Variants in DNAH8 observed in about 807,000 individuals in gnomAD.
The protein encoded by DNAH8 is axonemal beta dynein heavy chain 8.
Under a neutral mutation model 562.1 loss-of-function variants are expected in DNAH8, and 382 were observed. That is an observed-to-expected ratio of 0.68 (90% CI 0.63 to 0.74). The LOEUF (loss-of-function observed/expected upper bound fraction) is 0.74, where lower values mean the gene tolerates loss of function less well. Among genes scored for constraint, DNAH8 ranks in the 30% least tolerant of loss-of-function variants. The pLI is 0.00. For missense variants in DNAH8, 5,203 were observed against 5,620.4 expected (o/e 0.93, Z 2.37); for synonymous variants, 1,881 against 1,919.4 (o/e 0.98, Z 0.52).
chr6:38,797,048 T>A (rs1365367837), intron 21 of DNAH8, among the ~76,000 whole-genome samples: 1 of 152,234 alleles, frequency 6.6e-6, no homozygotes, highest in East Asian at 1.9e-4. Flanking sequence ...AATGTTATGA[T>A]CCAAGTTAAA....
intron 83 of DNAH8, among the ~76,000 whole-genome samples, chr6:38,972,527 T>C (rs1763414720): frequency 6.6e-6 from 1 of 152,210 alleles, no homozygotes; most frequent in Non-Finnish European, 1.5e-5. Flanking sequence ...TGTTTCACTC[T>C]ATTGAGTGAT....
At chr6:38,986,108 A>G (rs1764378490) in intron 87 of DNAH8, among the ~76,000 whole-genome samples, 1 of 152,210 alleles carries the variant, frequency 6.6e-6, no homozygotes. Context: ...CTGAACCAGA[A>G]TCCTGCTCCT....
At chr6:38,850,119 G>T in intron 37 of DNAH8, 132 bp from the exon 38 acceptor site, 1 of 738,552 alleles carries the variant, frequency 1.4e-6, no homozygotes, top group East Asian at 2.8e-5. Flanking sequence ...AAAAAAAATT[G>T]TCTGTTTAAA....
chr6:39,019,577 G>A (rs757481478), intron 91 of DNAH8, among the ~76,000 whole-genome samples: 2 of 152,186 alleles, frequency 1.3e-5, no homozygotes, highest in African/African-American at 2.4e-5. Context: ...CAGCAGCCTC[G>A]TATAGACGTG....
At chr6:38,947,629 A>G (rs1761541131) in intron 80 of DNAH8, among the ~76,000 whole-genome samples, 1 of 152,152 alleles carries the variant, frequency 6.6e-6, no homozygotes, top group Non-Finnish European at 1.5e-5. Context: ...GGGGCAAGGT[A>G]GGGCTCGCAA....
At chr6:38,735,048 G>A (rs972200831) in intron 5 of DNAH8, among the ~76,000 whole-genome samples, 3 of 152,210 alleles carry the variant, frequency 2.0e-5, no homozygotes, top group African/African-American at 7.2e-5. Flanking sequence ...TTTAGCCAGA[G>A]AGACCGAAAT....
intron 29 of DNAH8, among the ~76,000 whole-genome samples, chr6:38,826,745 C>T (rs1773361832): frequency 6.6e-6 from 1 of 152,168 alleles, no homozygotes; most frequent in Non-Finnish European, 1.5e-5. Flanking sequence ...CTTTGGCTTG[C>T]CTTAGAAACC....
chr6:38,934,552 C>T (rs1037145003), intron 76 of DNAH8, among the ~76,000 whole-genome samples: 1 of 152,084 alleles, frequency 6.6e-6, no homozygotes, highest in African/African-American at 2.4e-5. Context: ...TTTTAAAACA[C>T]CTTCTTTTAA....
intron 38 of DNAH8, among the ~76,000 whole-genome samples, 182 bp downstream of exon 38, chr6:38,850,596 G>A (rs1775665731): frequency 6.6e-6 from 1 of 152,178 alleles, no homozygotes; most frequent in Non-Finnish European, 1.5e-5. Context: ...GGGTGGTTAA[G>A]GCATTGTATT....
At chr6:38,736,129 GAA>G (rs542990147) in intron 5 of DNAH8, among the ~76,000 whole-genome samples, 1 of 144,358 alleles carries the variant, frequency 6.9e-6, no homozygotes, top group Admixed American at 6.9e-5. Flanking sequence ...CAGAGTGAGA[GAA>G]AAAAAAAAAG....
chr6:38,717,012 C>G (rs1340278314), intron 1 of DNAH8, among the ~76,000 whole-genome samples: 1 of 152,168 alleles, frequency 6.6e-6, no homozygotes, highest in Non-Finnish European at 1.5e-5. Context: ...GCCTGGGCAG[C>G]ATAGTGAGAT....
chr6:38,899,689 A>G (rs1263196894), intron 61 of DNAH8, 87 bp from the exon 62 acceptor site: 1 of 1,437,770 alleles, frequency 7.0e-7, no homozygotes, highest in Admixed American at 1.9e-5. Context: ...CTAGAAACAT[A>G]TGATCAAAAC....
chr6:38,887,064 A>G (rs1778984187), intron 57 of DNAH8, 60 bp downstream of exon 57: 2 of 1,259,742 alleles, frequency 1.6e-6, no homozygotes, highest in Non-Finnish European at 2.3e-6. Context: ...ACCACACAAA[A>G]TTTCATTTAA....
chr6:38,744,660 A>G (rs573709439), intron 8 of DNAH8, among the ~76,000 whole-genome samples: 266 of 152,162 alleles, frequency 1.7e-3, no homozygotes, highest in Middle Eastern at 3.4e-3. Flanking sequence ...TGGCACTATC[A>G]TGATTCACTG....
At chr6:38,786,354 G>A (rs375033440) in intron 17 of DNAH8, among the ~76,000 whole-genome samples, 1 of 152,178 alleles carries the variant, frequency 6.6e-6, no homozygotes, top group African/African-American at 2.4e-5. Flanking sequence ...AAAGAAGACA[G>A]TTTGGGGTCT....
chr6:39,001,484 T>C (rs1307598419), intron 88 of DNAH8, among the ~76,000 whole-genome samples: 1 of 152,036 alleles, frequency 6.6e-6, no homozygotes, highest in African/African-American at 2.4e-5. Flanking sequence ...TAATAGCTAG[T>C]TAGGAATGAG....
At chr6:39,014,731 G>T (rs1766452304) in intron 91 of DNAH8, among the ~76,000 whole-genome samples, 1 of 152,154 alleles carries the variant, frequency 6.6e-6, no homozygotes, top group Non-Finnish European at 1.5e-5. Context: ...AACAAGTCTT[G>T]TTCAGGGGAA....
At chr6:38,928,870 G>T (rs1485631791) in intron 74 of DNAH8, among the ~76,000 whole-genome samples, 2 of 152,148 alleles carry the variant, frequency 1.3e-5, no homozygotes, top group African/African-American at 2.4e-5. Context: ...ACTACAGTGT[G>T]TCTATTTTAA....
At chr6:38,723,552 G>GCAA (rs77558631) in intron 3 of DNAH8, 81 bp downstream of exon 3, 1 of 1,405,522 alleles carries the variant, frequency 7.1e-7, no homozygotes, top group African/African-American at 1.4e-5. Flanking sequence ...GTCATAAACA[G>GCAA]CAACAACAAC....
Sources: allele counts gnomAD v4.1 joint callset (sites outside exome capture counted in the v4.1 genomes callset), GRCh38; gene constraint gnomAD v4.1.1; transcripts MANE v1.5; gene names NCBI Gene and HGNC (gene_info 2026-07-23, HGNC 2026-07-21).